Variants in PRR12 observed in about 807,000 individuals in gnomAD.
PRR12 encodes the protein proline-rich protein 12.
Under a neutral mutation model 138.0 loss-of-function variants are expected in PRR12, and 12 were observed. That is an observed-to-expected ratio of 0.09 (90% CI 0.06 to 0.14). The LOEUF (loss-of-function observed/expected upper bound fraction) is 0.14, where lower values mean the gene tolerates loss of function less well. PRR12 is among the 10% of genes least tolerant of loss of function. PRR12 has a pLI of 1.00. For synonymous variants in PRR12, 1,567 were observed against 1,291.7 expected, an observed-to-expected ratio of 1.21 and a Z score of -4.57; for missense variants, 2,692 against 2,861.3, an observed-to-expected ratio of 0.94 and a Z score of 1.35.
Position 49,624,833 on chromosome 19 carries a change from G to A in PRR12, c.5722-11G>A. ...AGGGCAGCATCCAGCTGACCCATTG[G>A]CTTCCCGCAGGATGCTCTGCACACG... is the stretch of plus-strand genomic sequence containing the variant. On this transcript the variant is annotated splice_polypyrimidine_tract_variant and intron_variant, in intron 11 of 13. Transcript: ENST00000418929. 6.2e-7 allele frequency: 1 copy of A among 1,609,860 alleles called. No homozygotes were observed. Among genetic ancestry groups the A allele is most frequent in the Non-Finnish European group, 8.5e-7 (1 of 1,178,486 alleles).
At chr19:49,623,035 C>T (rs141438562) in intron 11 of PRR12, among the ~76,000 whole-genome samples, 4 of 147,972 alleles carry the variant, frequency 2.7e-5, no homozygotes, top group East Asian at 2.0e-4. Flanking sequence ...ATGGGTGGGA[C>T]GTTGGGATGA....
At chr19:49,608,016 G>C (rs999306482) in intron 6 of PRR12, among the ~76,000 whole-genome samples, 3 of 151,850 alleles carry the variant, frequency 2.0e-5, no homozygotes, top group Non-Finnish European at 4.4e-5. Context: ...TGAAACTGAG[G>C]CTCAAAAAAA....
intron 8 of PRR12, among the ~76,000 whole-genome samples, 157 bp from the exon 9 acceptor site, chr19:49,615,590 G>GGCAGAGACCCAGAGAGGGAGGGGA (rs774907822): frequency 9.1e-6 from 1 of 110,348 alleles, no homozygotes; most frequent in African/African-American, 4.3e-5. Context: ...GAGGGAGGGG[G>GGCAGAGACCCAGAGAGGGAGGGGA]TCAGAGTCCC....
chr19:49,597,698 G>T lies in PRR12; in HGVS notation c.3363G>T (p.Leu1121Phe). ...ACATCCGCCTCAACCCCCGGCGCTT[G>T]CCTGACCTGGTCTCCAGCTGCCGCT... Reference protein sequence around the residue: ...PADIRLNPRRLPDLVSSCRSR... With the variant: ...PADIRLNPRRFPDLVSSCRSR... Residue 1121 changes from leucine to phenylalanine, a missense_variant, in exon 4 of 14, where the codon TTG becomes TTT. Around this residue, in one of 11 missense-constraint regions of PRR12, gnomAD observed 326 missense variants for 344.2 expected, o/e 0.95. Coordinates refer to ENST00000418929, the MANE Select transcript of PRR12 (RefSeq NM_020719.3). The surrounding 1 kb of genome is among the most constrained non-coding windows in gnomAD (Gnocchi z 6.3). 6.2e-7 allele frequency: 1 copy of T among 1,606,364 alleles called. No individual in the cohort carries two copies. Among genetic ancestry groups the T allele is most frequent in the Non-Finnish European group, 8.5e-7 (1 of 1,177,670 alleles).
At chr19:49,609,413 C>A (rs1219435567) in intron 6 of PRR12, among the ~76,000 whole-genome samples, 1 of 152,026 alleles carries the variant, frequency 6.6e-6, no homozygotes, top group East Asian at 1.9e-4. Context: ...TCAGCCTGGA[C>A]AACATGGTGC....
Position 49,599,226 on chromosome 19 carries a change from G to C in PRR12, c.3679-46G>C. On this transcript the variant is annotated intron_variant, in intron 4 of 13. Transcript: ENST00000418929. This position sits in a 1 kb window ranked among gnomAD's most constrained non-coding sequence, Gnocchi z 5.0. ...GGGGGCTGAGGGAGGATGGGACTGGGGGCCCAGGCTACTGGGCCCTCACGG... is the reference window on the plus strand; with the variant it reads ...GGGGGCTGAGGGAGGATGGGACTGGCGGCCCAGGCTACTGGGCCCTCACGG... 1 of 1,496,564 alleles carries C rather than the reference G, an allele frequency of 6.7e-7. No individual in the cohort carries two copies. The highest frequency in any genetic ancestry group is 8.9e-7 in the Non-Finnish European group (1 of 1,127,028). 92.7% of individuals were successfully genotyped at this position (1,496,564 alleles called of 1,614,324 possible).
chr19:49,603,860 G>T (rs567849132), intron 6 of PRR12, among the ~76,000 whole-genome samples: 1 of 151,586 alleles, frequency 6.6e-6, no homozygotes, highest in Non-Finnish European at 1.5e-5. Context: ...AGACGGAGTC[G>T]CCCAGGCTGG....
intron 4 of PRR12, among the ~76,000 whole-genome samples, chr19:49,598,378 G>A (rs1016476378): frequency 7.2e-5 from 11 of 151,986 alleles, no homozygotes; most frequent in African/African-American, 2.2e-4. Context: ...CCGGCCTCCC[G>A]ATGTTTTGAG....
intron 11 of PRR12, among the ~76,000 whole-genome samples, chr19:49,624,011 A>G (rs1178963255): frequency 4.8e-4 from 39 of 80,466 alleles, no homozygotes; most frequent in African/African-American, 6.7e-4. Context: ...TTAGGATGAG[A>G]CCGAGAATTC....
intron 2 of PRR12, 119 bp downstream of exon 2, chr19:49,593,558 C>T: frequency 1.7e-6 from 1 of 596,094 alleles, no homozygotes; most frequent in South Asian, 1.9e-5. Context: ...TGGCCCGCCC[C>T]TTGCTGTGTC....
rs1202259970 is a variant in PRR12 at position 49,601,742 on chromosome 19, C to T, written c.4597C>T (p.Pro1533Ser). 6.4e-7 allele frequency: 1 copy of T among 1,555,894 alleles called. No homozygotes were observed. Among genetic ancestry groups the T allele is most frequent in the Non-Finnish European group, 8.7e-7 (1 of 1,152,938 alleles). ...TGCTCCTCCTGAGGAGCCCGCCGCC[C>T]CGTCTCCCGAAGACCCCGAGCTGCC... ...LAAPPEEPAA[P>S]SPEDPELPDT... Residue 1533 changes from proline (P) to serine (S), a missense_variant, in exon 6 of 14, where the codon CCG becomes TCG. Pro to Ser is a moderately conservative substitution (Grantham distance 74). This residue lies in a region of PRR12 where 231 missense variants were observed against 200.8 expected (regional missense o/e 1.15). Coordinates refer to ENST00000418929, the MANE Select transcript of PRR12 (RefSeq NM_020719.3).
At chr19:49,615,441 A>G (rs1263905512) in intron 8 of PRR12, among the ~76,000 whole-genome samples, 2 of 143,564 alleles carry the variant, frequency 1.4e-5, no homozygotes, top group Non-Finnish European at 3.0e-5. Context: ...ACCCAGAAAG[A>G]GGGGGATAGA....
intron 6 of PRR12, among the ~76,000 whole-genome samples, chr19:49,609,838 T>A (rs1477104337): frequency 6.6e-6 from 1 of 152,112 alleles, no homozygotes; most frequent in Non-Finnish European, 1.5e-5. Context: ...GATGAAGACA[T>A]TAGGCTCTGT....
At chr19:49,593,486 C>A (rs748624810) in intron 2 of PRR12, 47 bp downstream of exon 2, 1 of 842,904 alleles carries the variant, frequency 1.2e-6, no homozygotes, top group Non-Finnish European at 1.9e-6. Flanking sequence ...TCCCCCTCCC[C>A]CCGAGGCAGC....
Position 49,599,143 on chromosome 19 carries a change from G to A in PRR12, c.3679-129G>A, listed in dbSNP as rs905913815. The A allele has an allele frequency of 4.6e-6, 4 of 871,288 alleles. No individual in the cohort carries two copies. Among genetic ancestry groups the A allele is most frequent in the Non-Finnish European group, 6.8e-6 (4 of 590,400 alleles). 54.0% of individuals were successfully genotyped at this position (871,288 alleles called of 1,614,324 possible). A position where few individuals can be genotyped will look rare whatever the true frequency, so the allele number is the denominator to read the frequency against. ...GTCCTCCTAGAATCTAAGACAAGGG[G>A]TCTGCAGGTTTGAATTCTATAAATT... On this transcript the variant is annotated intron_variant, in intron 4 of 13. Coordinates refer to ENST00000418929, the MANE Select transcript of PRR12 (RefSeq NM_020719.3). This position sits in a 1 kb window ranked among gnomAD's most constrained non-coding sequence, Gnocchi z 5.0.
rs2080947743 is a variant in PRR12 at position 49,625,051 on chromosome 19, A to G, written c.5869-54A>G. Reference sequence around the variant, plus strand: ...CTGGCGGTATGTGGGAAGGGAGGAGAGGGGCTGCCAAGTGCCGGGCTGGAG... The same window carrying G: ...CTGGCGGTATGTGGGAAGGGAGGAGGGGGGCTGCCAAGTGCCGGGCTGGAG... On this transcript the variant is annotated intron_variant, in intron 12 of 13. Transcript: ENST00000418929. This position sits in a 1 kb window ranked among gnomAD's most constrained non-coding sequence, Gnocchi z 5.5. 8 of 1,611,760 alleles carry G rather than the reference A, an allele frequency of 5.0e-6. No individual in the cohort carries two copies. The South Asian group carries it at 8.8e-5, about 18-fold the overall frequency.
At position 49,616,230 on chromosome 19, in the gene PRR12, AG is replaced by A. The variant is rs1281981727; in HGVS notation, c.5497+13del. The A allele has an allele frequency of 2.0e-6, 3 of 1,508,844 alleles. No homozygotes were observed. Among genetic ancestry groups the A allele is most frequent in the Non-Finnish European group, 2.7e-6 (3 of 1,125,742 alleles). 93.5% of individuals were successfully genotyped at this position (1,508,844 alleles called of 1,614,324 possible). A position where few individuals can be genotyped will look rare whatever the true frequency, so the allele number is the denominator to read the frequency against. Reference sequence around the variant, plus strand: ...CCCCCAGCGAGGACGGTGAGGCCCTAGGCAGCCTCAGGGCTGCAGGGGTGGG... The same window carrying A: ...CCCCCAGCGAGGACGGTGAGGCCCTAGCAGCCTCAGGGCTGCAGGGGTGGG... On this transcript the variant is annotated intron_variant, in intron 9 of 13. Coordinates refer to ENST00000418929, the MANE Select transcript of PRR12 (RefSeq NM_020719.3). The surrounding 1 kb of genome is among the most constrained non-coding windows in gnomAD (Gnocchi z 4.2).
At chr19:49,610,686 C>T (rs1277589062) in intron 6 of PRR12, among the ~76,000 whole-genome samples, 1 of 151,790 alleles carries the variant, frequency 6.6e-6, no homozygotes, top group Non-Finnish European at 1.5e-5. Context: ...GGACCACAGG[C>T]GCCCGCCACC....
At chr19:49,598,941 C>G (rs577664992) in intron 4 of PRR12, among the ~76,000 whole-genome samples, 2 of 152,222 alleles carry the variant, frequency 1.3e-5, no homozygotes, top group East Asian at 3.9e-4. Flanking sequence ...ATTACAGGCA[C>G]GAGCCACCTC....
Sources: gnomAD v4.1 joint callset for allele counts (sites outside exome capture counted in the v4.1 genomes callset) on GRCh38, gnomAD v4.1.1 for gene constraint, gnomAD v4.1.1 regional missense constraint, Gnocchi (gnomAD v3.1) non-coding constraint, MANE v1.5 for transcripts, NCBI Gene and HGNC (gene_info 2026-07-23, HGNC 2026-07-21) for gene names.